The following CARMIL1 variants were observed in gnomAD, a reference collection of about 807,000 sequenced individuals.
CARMIL1 encodes F-actin-uncapping protein LRRC16A.
Under a neutral mutation model 177.1 loss-of-function variants are expected in CARMIL1, and 90 were observed. The observed-to-expected ratio is 0.51, with a 90% CI of 0.43 to 0.61. The LOEUF (loss-of-function observed/expected upper bound fraction) is 0.61, where lower values mean the gene tolerates loss of function less well. Among genes scored for constraint, CARMIL1 ranks in the 20% least tolerant of loss-of-function variants. CARMIL1 has a pLI of 0.00. For synonymous variants in CARMIL1, 577 were observed against 606.2 expected (o/e 0.95, Z 0.71); for missense variants, 1,380 against 1,667.0 (o/e 0.83, Z 3.00).
At chr6:25,374,188 A>G (rs908630954) in intron 2 of CARMIL1, among the ~76,000 whole-genome samples, 2 of 152,226 alleles carry the variant, frequency 1.3e-5, no homozygotes, top group African/African-American at 4.8e-5. Context: ...CTTAACTCAT[A>G]GCACTGCTCT....
intron 2 of CARMIL1, among the ~76,000 whole-genome samples, chr6:25,402,612 G>C (rs1793983777): frequency 1.3e-5 from 2 of 152,032 alleles, no homozygotes; most frequent in Admixed American, 6.5e-5. Flanking sequence ...TCTTCTTCTA[G>C]AGCTGTATGG....
intron 36 of CARMIL1, among the ~76,000 whole-genome samples, chr6:25,618,132 G>A (rs1328037538): frequency 6.6e-6 from 1 of 152,078 alleles, no homozygotes. Context: ...ACCAGCATCT[G>A]GCTCTAATAC....
intron 23 of CARMIL1, 92 bp from the exon 24 acceptor site, chr6:25,528,703 T>G (rs1380260605): frequency 2.0e-5 from 19 of 947,798 alleles, no homozygotes; most frequent in Non-Finnish European, 3.2e-5. Flanking sequence ...CACGCTTCGG[T>G]TTTTAAGTTC....
intron 21 of CARMIL1, among the ~76,000 whole-genome samples, chr6:25,516,929 C>G (rs214736): frequency 0.43 from 65,754 of 151,892 alleles, 14,626 homozygotes; most frequent in Middle Eastern, 0.52. Context: ...TTGGGGGGAA[C>G]AATCTCAGTA....
intron 17 of CARMIL1, among the ~76,000 whole-genome samples, chr6:25,504,663 G>A (rs548571486): frequency 1.9e-4 from 29 of 152,180 alleles, no homozygotes; most frequent in African/African-American, 6.5e-4. Flanking sequence ...AAAAAACTTC[G>A]GTGTTCCTTA....
chr6:25,578,571 A>G (rs1406327499), intron 29 of CARMIL1, among the ~76,000 whole-genome samples: 4 of 152,218 alleles, frequency 2.6e-5, no homozygotes, highest in African/African-American at 4.8e-5. Context: ...CTTCCAAAGA[A>G]AAGTAATAAA....
At chr6:25,581,758 G>A (rs1813143434) in intron 31 of CARMIL1, among the ~76,000 whole-genome samples, 2 of 152,086 alleles carry the variant, frequency 1.3e-5, no homozygotes, top group South Asian at 4.1e-4. Context: ...CCTTATTCTA[G>A]ATAAATGTCT....
At chr6:25,504,067 A>G (rs1804687782) in intron 17 of CARMIL1, among the ~76,000 whole-genome samples, 1 of 152,204 alleles carries the variant, frequency 6.6e-6, no homozygotes, top group Non-Finnish European at 1.5e-5. Context: ...TCTTATATTT[A>G]TAAATAGGTG....
At chr6:25,555,382 T>TATTCATTCATTC (rs61571019) in intron 28 of CARMIL1, among the ~76,000 whole-genome samples, 13 of 150,384 alleles carry the variant, frequency 8.6e-5, no homozygotes, top group African/African-American at 3.2e-4. Context: ...AGCAATAGAG[T>TATTCATTCATTC]ATTCATTCAT....
intron 5 of CARMIL1, among the ~76,000 whole-genome samples, chr6:25,440,903 GA>G: frequency 6.6e-6 from 1 of 152,086 alleles, no homozygotes; most frequent in South Asian, 2.1e-4. Flanking sequence ...CTGATGAACA[GA>G]AAAGGGTCTC....
intron 33 of CARMIL1, among the ~76,000 whole-genome samples, chr6:25,602,872 A>G (rs7746950): frequency 0.4 from 61,446 of 152,042 alleles, 12,782 homozygotes; most frequent in Non-Finnish European, 0.46. Flanking sequence ...AAAGAACTGT[A>G]AGTATGAAGA....
intron 31 of CARMIL1, among the ~76,000 whole-genome samples, chr6:25,589,726 G>A (rs908192060): frequency 6.6e-6 from 1 of 152,110 alleles, no homozygotes; most frequent in Non-Finnish European, 1.5e-5. Flanking sequence ...GAGCTCACAC[G>A]ATCCACATGC....
At chr6:25,331,902 C>A (rs12192665) in intron 2 of CARMIL1, among the ~76,000 whole-genome samples, 4 of 152,136 alleles carry the variant, frequency 2.6e-5, no homozygotes, top group Non-Finnish European at 5.9e-5. Context: ...ATGAATAGTT[C>A]ATATTCTAAA....
chr6:25,555,785 A>T (rs1810558319), intron 28 of CARMIL1, among the ~76,000 whole-genome samples: 1 of 152,180 alleles, frequency 6.6e-6, no homozygotes, highest in African/African-American at 2.4e-5. Flanking sequence ...CTTACTTATG[A>T]CACAAATAGT....
chr6:25,505,119 C>T (rs778275351), intron 17 of CARMIL1, among the ~76,000 whole-genome samples: 9 of 152,160 alleles, frequency 5.9e-5, no homozygotes, highest in Non-Finnish European at 8.8e-5. Flanking sequence ...TTGGGAATTG[C>T]CTTCAAAGCT....
At chr6:25,340,777 G>GTTTTTTTTGTT (rs1786824659) in intron 2 of CARMIL1, among the ~76,000 whole-genome samples, 8 of 86,136 alleles carry the variant, frequency 9.3e-5, no homozygotes, top group African/African-American at 3.2e-4. Flanking sequence ...GTCAATGAAG[G>GTTTTTTTTGTT]TTTTTTTTTT....
intron 20 of CARMIL1, among the ~76,000 whole-genome samples, chr6:25,514,965 T>G (rs1805829262): frequency 6.6e-6 from 1 of 151,690 alleles, no homozygotes; most frequent in African/African-American, 2.4e-5. Context: ...AGGGTGATGA[T>G]CAAAAAGATC....
chr6:25,459,267 T>TCTTTCTTTC (rs1799884909), intron 8 of CARMIL1, among the ~76,000 whole-genome samples: 2 of 109,478 alleles, frequency 1.8e-5, no homozygotes, highest in African/African-American at 6.8e-5. Context: ...TCTTTCTTTC[T>TCTTTCTTTC]TTTTTTTTTT....
chr6:25,305,791 A>T (rs1783212692), intron 2 of CARMIL1, among the ~76,000 whole-genome samples: 2 of 152,166 alleles, frequency 1.3e-5, no homozygotes, highest in South Asian at 4.1e-4. Flanking sequence ...TATGTAGCTG[A>T]TATATAGGTT....
Sources: allele counts gnomAD v4.1 joint callset (sites outside exome capture counted in the v4.1 genomes callset), GRCh38; gene constraint gnomAD v4.1.1; transcripts MANE v1.5; gene names NCBI Gene and HGNC (gene_info 2026-07-23, HGNC 2026-07-21).